Variants in MTHFD1L observed in about 807,000 individuals in gnomAD.
MTHFD1L encodes methylenetetrahydrofolate dehydrogenase (NADP+ dependent) 1 like.
In MTHFD1L, 81 loss-of-function variants were observed where a neutral mutation model predicts 119.5. The ratio of observed to expected loss-of-function variants is 0.68; its 90% CI spans 0.57 to 0.82. The LOEUF is 0.82. Ranked by LOEUF, MTHFD1L falls within the 40% of genes least tolerant of loss-of-function variation. MTHFD1L has a pLI of 0.00. For missense variants in MTHFD1L, 1,125 were observed against 1,253.4 expected (o/e 0.90, Z 1.55); for synonymous variants, 430 against 475.2 (o/e 0.90, Z 1.24).
intron 27 of MTHFD1L, among the ~76,000 whole-genome samples, chr6:151,094,199 GC>G (rs1794701316): frequency 6.6e-6 from 1 of 152,144 alleles, no homozygotes; most frequent in Non-Finnish European, 1.5e-5. Context: ...CTGTTCCTGA[GC>G]CCAGAACCTC....
At chr6:151,031,316 C>T (rs1188114687) in intron 24 of MTHFD1L, among the ~76,000 whole-genome samples, 7 of 152,212 alleles carry the variant, frequency 4.6e-5, no homozygotes, top group African/African-American at 1.7e-4. Flanking sequence ...CAGTGTGGTG[C>T]TGCCAAGTCT....
intron 20 of MTHFD1L, among the ~76,000 whole-genome samples, chr6:150,980,018 C>T (rs1777216446): frequency 6.6e-6 from 1 of 151,958 alleles, no homozygotes; most frequent in South Asian, 2.1e-4. Flanking sequence ...TCCTGCAGCT[C>T]TAAGCTGTAA....
chr6:151,042,952 G>A (rs1442220349), intron 26 of MTHFD1L, among the ~76,000 whole-genome samples: 1 of 152,206 alleles, frequency 6.6e-6, no homozygotes, highest in Non-Finnish European at 1.5e-5. Context: ...GCAAGAGAGT[G>A]AGAACACACA....
At chr6:151,061,792 A>G (rs529591325) in intron 26 of MTHFD1L, among the ~76,000 whole-genome samples, 13 of 152,320 alleles carry the variant, frequency 8.5e-5, no homozygotes, top group African/African-American at 2.6e-4. Flanking sequence ...CATAGAGACC[A>G]TCTAGTTCTT....
intron 20 of MTHFD1L, among the ~76,000 whole-genome samples, chr6:150,988,625 G>A (rs1456946052): frequency 1.3e-5 from 2 of 151,972 alleles, no homozygotes; most frequent in Non-Finnish European, 1.5e-5. Flanking sequence ...GCGGGAGCGG[G>A]GATGGAGTTT....
Position 150,918,683 on chromosome 6 carries a change from G to A in MTHFD1L, c.984+15G>A. The A allele has an allele frequency of 1.2e-6, 2 of 1,603,086 alleles. No homozygotes were observed. The highest frequency in any genetic ancestry group is 1.3e-5 in the African/African-American group (1 of 74,768). On this transcript the variant is annotated intron_variant, in intron 9 of 27. Transcript: ENST00000367321. ...TGCGAATTCAGGTTTGTTCAACATA[G>A]CTGTCTGAGAATCTTGAGTTTGGAA... is the stretch of plus-strand genomic sequence containing the variant.
intron 24 of MTHFD1L, 82 bp from the exon 25 acceptor site, chr6:151,034,411 A>T: frequency 1.1e-6 from 1 of 931,682 alleles, no homozygotes; most frequent in Non-Finnish European, 1.7e-6. Flanking sequence ...TTAAGCAATT[A>T]CAGAACATCT....
intron 11 of MTHFD1L, among the ~76,000 whole-genome samples, chr6:150,927,517 T>A (rs560212693): frequency 6.1e-5 from 9 of 147,950 alleles, no homozygotes; most frequent in African/African-American, 2.0e-4. Flanking sequence ...GGTGCAGTGG[T>A]GTGATCTCAG....
intron 10 of MTHFD1L, among the ~76,000 whole-genome samples, chr6:150,924,757 C>T (rs1284078230): frequency 6.6e-5 from 10 of 152,202 alleles, no homozygotes; most frequent in Admixed American, 2.6e-4. Flanking sequence ...GGATTACAGG[C>T]GTGAGCCTCT....
At chr6:150,894,398 G>A (rs1459040538) in intron 7 of MTHFD1L, among the ~76,000 whole-genome samples, 1 of 152,130 alleles carries the variant, frequency 6.6e-6, no homozygotes, top group East Asian at 1.9e-4. Flanking sequence ...TCTCCCAGCC[G>A]AATATTGGCC....
intron 26 of MTHFD1L, among the ~76,000 whole-genome samples, chr6:151,052,570 G>A (rs1162461191): frequency 1.3e-5 from 2 of 152,216 alleles, no homozygotes; most frequent in Non-Finnish European, 2.9e-5. Context: ...AGACGGCAGT[G>A]GGCAGGAGCC....
chr6:151,048,567 A>G (rs896038107), intron 26 of MTHFD1L, among the ~76,000 whole-genome samples: 2 of 152,156 alleles, frequency 1.3e-5, no homozygotes, highest in Admixed American at 1.3e-4. Flanking sequence ...CCAGTACTAG[A>G]ATCCCAGGCT....
At chr6:150,996,677 G>A (rs1387622924) in intron 20 of MTHFD1L, among the ~76,000 whole-genome samples, 4 of 152,122 alleles carry the variant, frequency 2.6e-5, no homozygotes, top group African/African-American at 4.8e-5. Flanking sequence ...GCTGGGCCAA[G>A]TTACCCTCAG....
At chr6:151,089,409 C>G (rs894242799) in intron 26 of MTHFD1L, among the ~76,000 whole-genome samples, 1 of 152,162 alleles carries the variant, frequency 6.6e-6, no homozygotes, top group Non-Finnish European at 1.5e-5. Context: ...TGAGACCAGC[C>G]TAGCCAACAT....
intron 21 of MTHFD1L, among the ~76,000 whole-genome samples, chr6:151,010,390 C>T (rs561498524): frequency 6.6e-6 from 1 of 152,268 alleles, no homozygotes; most frequent in Admixed American, 6.5e-5. Flanking sequence ...AGAGATTTTT[C>T]ATTGTTTGTA....
chr6:150,927,038 G>A (rs940433436), intron 11 of MTHFD1L, among the ~76,000 whole-genome samples: 1 of 152,104 alleles, frequency 6.6e-6, no homozygotes, highest in Non-Finnish European at 1.5e-5. Flanking sequence ...TGTATACAAA[G>A]CTTCAGGCAC....
At chr6:150,883,838 G>T (rs1781766601) in intron 5 of MTHFD1L, among the ~76,000 whole-genome samples, 1 of 152,182 alleles carries the variant, frequency 6.6e-6, no homozygotes, top group African/African-American at 2.4e-5. Flanking sequence ...AACACAATGT[G>T]TTAATGGTTA....
At chr6:151,031,380 C>A (rs114501050) in intron 24 of MTHFD1L, among the ~76,000 whole-genome samples, 3 of 152,200 alleles carry the variant, frequency 2.0e-5, no homozygotes, top group Non-Finnish European at 4.4e-5. Flanking sequence ...ATTGCATGAG[C>A]TTTTGCTGCA....
intron 7 of MTHFD1L, among the ~76,000 whole-genome samples, chr6:150,893,209 C>T (rs868777215): frequency 4.6e-5 from 7 of 152,036 alleles, no homozygotes; most frequent in African/African-American, 9.7e-5. Context: ...GGATTACAGG[C>T]GAGCACCACC....
Sources: gnomAD v4.1 joint callset for allele counts (sites outside exome capture counted in the v4.1 genomes callset) on GRCh38, gnomAD v4.1.1 for gene constraint, MANE v1.5 for transcripts, NCBI Gene and HGNC (gene_info 2026-07-23, HGNC 2026-07-21) for gene names.